Variants in APH1B observed in about 807,000 individuals in gnomAD.
APH1B encodes aph-1B gamma-secretase subunit, also known as gamma-secretase subunit APH-1B.
In APH1B, 27 loss-of-function variants were observed where a neutral mutation model predicts 28.2. The ratio of observed to expected loss-of-function variants is 0.96; its 90% CI spans 0.70 to 1.32. The LOEUF (loss-of-function observed/expected upper bound fraction) is 1.32. Among genes scored for constraint, APH1B ranks in the 40% most tolerant of loss-of-function variants. The pLI is 0.00. For missense variants in APH1B, 305 were observed against 313.6 expected (o/e 0.97, Z 0.21); for synonymous variants, 141 against 124.6 (o/e 1.13, Z -0.88).
At chr15:63,302,273 C>T (rs569627196) in intron 4 of APH1B, 72 bp from the exon 5 acceptor site, 16 of 1,563,678 alleles carry the variant, frequency 1.0e-5, no homozygotes, top group East Asian at 2.3e-5. Flanking sequence ...CCCGAGAGCC[C>T]GTGCACAGTG....
rs2038691860 is a variant in APH1B at position 63,306,793 on chromosome 15, A to G, written c.*1012A>G. 6.6e-6 allele frequency: 1 copy of G among 152,232 alleles called. No homozygotes were observed. Among genetic ancestry groups the G allele is most frequent in the African/African-American group, 2.4e-5 (1 of 41,460 alleles). The allele number at this position is 152,232 out of a possible 1,614,324, so 9.4% of individuals were successfully genotyped here. On this transcript the variant is annotated 3_prime_UTR_variant, in exon 6 of 6. Transcript: ENST00000261879. ...TTGACACTTTTCATTTGCTCCTGTG[A>G]TACTAACAACACTTTCACCCAAATG...
At chr15:63,300,085 G>T (rs1318345030) in intron 4 of APH1B, among the ~76,000 whole-genome samples, 2 of 152,144 alleles carry the variant, frequency 1.3e-5, no homozygotes, top group African/African-American at 4.8e-5. Context: ...ATATGCTGAT[G>T]ATCTAAATGC....
chr15:63,295,366 A>C (rs2038554143), intron 4 of APH1B, among the ~76,000 whole-genome samples: 1 of 152,222 alleles, frequency 6.6e-6, no homozygotes. Context: ...TCATGATCCC[A>C]ATGGCAGCTC....
chr15:63,295,960 C>G (rs1225545340), intron 4 of APH1B, among the ~76,000 whole-genome samples: 1 of 152,164 alleles, frequency 6.6e-6, no homozygotes, highest in Non-Finnish European at 1.5e-5. Flanking sequence ...GAGAGTGTTT[C>G]ATAATTCTTC....
At chr15:63,291,244 A>G (rs1187452412) in intron 4 of APH1B, among the ~76,000 whole-genome samples, 1 of 152,232 alleles carries the variant, frequency 6.6e-6, no homozygotes, top group Admixed American at 6.5e-5. Context: ...TAATTTTTCT[A>G]GTATTATATA....
At chr15:63,295,024 C>T (rs959143719) in intron 4 of APH1B, among the ~76,000 whole-genome samples, 1 of 152,200 alleles carries the variant, frequency 6.6e-6, no homozygotes, top group African/African-American at 2.4e-5. Flanking sequence ...TGATTCTTCC[C>T]TTTTTCTCCC....
intron 4 of APH1B, chr15:63,291,776 A>C (rs191238447): frequency 5.9e-5 from 9 of 152,310 alleles, no homozygotes; most frequent in Admixed American, 5.2e-4. Context: ...ATTAGTGGTT[A>C]TGATGTAAGT....
chr15:63,300,134 G>A (rs892145371), intron 4 of APH1B, among the ~76,000 whole-genome samples: 3 of 152,066 alleles, frequency 2.0e-5, no homozygotes, highest in Non-Finnish European at 2.9e-5. Flanking sequence ...CTGGTTTTGC[G>A]AGGTCTTCCT....
chr15:63,287,276 C>A, intron 3 of APH1B, 148 bp from the exon 4 acceptor site: 1 of 1,025,386 alleles, frequency 9.8e-7, no homozygotes, highest in Non-Finnish European at 1.4e-6. Context: ...TAGCCAAGCA[C>A]ATGCCTCTCC....
intron 5 of APH1B, among the ~76,000 whole-genome samples, chr15:63,303,267 GC>G (rs766478131): frequency 6.6e-6 from 1 of 152,152 alleles, no homozygotes; most frequent in African/African-American, 2.4e-5. Context: ...ACCAGTCACT[GC>G]CCCCACTGAG....
intron 2 of APH1B, among the ~76,000 whole-genome samples, chr15:63,283,458 G>A (rs1227585439): frequency 6.6e-6 from 1 of 152,200 alleles, no homozygotes; most frequent in South Asian, 2.1e-4. Context: ...TCAAACTCCT[G>A]AGCTCAAGCG....
chr15:63,284,800 A>C (rs1390960328), intron 2 of APH1B, among the ~76,000 whole-genome samples: 1 of 151,796 alleles, frequency 6.6e-6, no homozygotes, highest in Non-Finnish European at 1.5e-5. Context: ...CCCTCCTCCC[A>C]CTCTAGTCTC....
In APH1B at chr15:63,308,390, G is replaced by A. The variant is rs569819765; in HGVS notation, c.*2609G>A. 14 of 152,326 alleles carry A rather than the reference G, an allele frequency of 9.2e-5. No homozygotes were observed. The highest frequency in any genetic ancestry group is 3.1e-4 in the African/African-American group (13 of 41,564). 9.4% of individuals were successfully genotyped at this position (152,326 alleles called of 1,614,324 possible). A position where few individuals can be genotyped will look rare whatever the true frequency, so the allele number is the denominator to read the frequency against. ...TCTATCCTGGCTTGCCTGACTGGCT[G>A]TATAATAGCAGCAGCCTCTTTTAGA... On this transcript the variant is annotated 3_prime_UTR_variant, in exon 6 of 6. Transcript: ENST00000261879.
At position 63,287,513 on chromosome 15, in the gene APH1B, C is replaced by T. The variant is rs1567028930; in HGVS notation, c.445C>T (p.His149Tyr). The T allele has an allele frequency of 2.5e-6, 4 of 1,613,852 alleles. No homozygotes were observed. The highest frequency in any genetic ancestry group is 1.7e-5 in the Admixed American group (1 of 60,002). ...DSLGPGTVGI[H>Y]GDSPQFFLYS... ...CTTGGGGCCAGGCACAGTGGGCATT[C>T]ATGGAGATTCTCCTCAATTCTTCCT... The change falls in exon 4 of 6, where the codon CAT becomes TAT. Residue 149 changes from histidine to tyrosine, a missense_variant. His to Tyr is a moderately conservative substitution (Grantham distance 83, BLOSUM62 2). Coordinates refer to ENST00000261879, the MANE Select transcript of APH1B (RefSeq NM_031301.4).
chr15:63,286,503 G>A, intron 2 of APH1B, 55 bp from the exon 3 acceptor site: 1 of 1,368,134 alleles, frequency 7.3e-7, no homozygotes, highest in East Asian at 2.4e-5. Context: ...CTGATATATT[G>A]CTCTTCCTTT....
intron 4 of APH1B, 32 bp downstream of exon 4, chr15:63,287,578 T>C: frequency 1.2e-6 from 2 of 1,608,748 alleles, no homozygotes; most frequent in Non-Finnish European, 1.7e-6. Context: ...ACATTCAGGC[T>C]TCTAGTCTAA....
At position 63,302,382 on chromosome 15, in the gene APH1B, C is replaced by T. The variant is rs1426164314; in HGVS notation, c.516C>T (p.Phe172=). The change falls in exon 5 of 6, where the codon TTC becomes TTT. Residue 172 remains phenylalanine (F), a synonymous_variant. Transcript: ENST00000261879. ...MTLVIILLHV[F]WGIVFFDGCE... ...TGGTCATTATCTTGCTGCATGTATTCTGGGGCATTGTATTTTTTGATGGCT... is the reference window on the plus strand; with the variant it reads ...TGGTCATTATCTTGCTGCATGTATTTTGGGGCATTGTATTTTTTGATGGCT... 6.2e-6 allele frequency: 10 copies of T among 1,613,962 alleles called. No individual in the cohort carries two copies. Among genetic ancestry groups the T allele is most frequent in the African/African-American group, 2.7e-5 (2 of 74,892 alleles).
chr15:63,288,342 A>G (rs1451680627), intron 4 of APH1B, among the ~76,000 whole-genome samples: 1 of 152,066 alleles, frequency 6.6e-6, no homozygotes, highest in African/African-American at 2.4e-5. Flanking sequence ...AATGGAAAAG[A>G]TATAAAGAGG....
At chr15:63,287,336 C>T (rs1595760450) in intron 3 of APH1B, 88 bp from the exon 4 acceptor site, 3 of 1,548,224 alleles carry the variant, frequency 1.9e-6, no homozygotes, top group Non-Finnish European at 2.6e-6. Flanking sequence ...CCTTTCCCCT[C>T]CAACACACTT....
Sources: allele counts gnomAD v4.1 joint callset (sites outside exome capture counted in the v4.1 genomes callset), GRCh38; gene constraint gnomAD v4.1.1; transcripts MANE v1.5; gene names NCBI Gene and HGNC (gene_info 2026-07-23, HGNC 2026-07-21).